Variants in TC2N observed in about 807,000 individuals in gnomAD.
TC2N encodes tandem C2 domains, nuclear.
A neutral mutation model predicts 61.9 loss-of-function variants in TC2N; 51 were observed. That is an observed-to-expected ratio of 0.82 (90% CI 0.66 to 1.04). The LOEUF is 1.04. Among genes scored for constraint, TC2N ranks in the 50% least tolerant of loss-of-function variants. The pLI is 0.00. For synonymous variants in TC2N, 204 were observed against 192.6 expected, an observed-to-expected ratio of 1.06 and a Z score of -0.49; for missense variants, 556 against 566.7, an observed-to-expected ratio of 0.98 and a Z score of 0.19.
At chr14:91,817,148 A>G (rs2013988661) in intron 1 of TC2N, among the ~76,000 whole-genome samples, 1 of 151,980 alleles carries the variant, frequency 6.6e-6, no homozygotes, top group Non-Finnish European at 1.5e-5. Context: ...AGAACATAGT[A>G]TATCTTTATA....
At position 91,783,154 on chromosome 14, in the gene TC2N, T is replaced by C; in HGVS notation, c.1419A>G (p.Thr473=). 1 of 1,612,226 alleles carries C rather than the reference T, an allele frequency of 6.2e-7. No individual in the cohort carries two copies. Among genetic ancestry groups the C allele is most frequent in the Non-Finnish European group, 8.5e-7 (1 of 1,178,788 alleles). The change falls in exon 12 of 12, where the codon ACA becomes ACG. Residue 473 remains threonine (T), a synonymous_variant. Coordinates refer to ENST00000435962, the MANE Select transcript of TC2N (RefSeq NM_001128596.3). ...NIEAVNQWKE[T]VINPEKVVIR... The stretch of plus-strand genomic sequence containing the variant: ...TAACAACCTTTTCTGGATTTATTAC[T>C]GTCTCTTTCCACTGGTTCACTGCTT...
At chr14:91,846,541 C>T (rs534470527) in intron 1 of TC2N, among the ~76,000 whole-genome samples, 2 of 152,290 alleles carry the variant, frequency 1.3e-5, no homozygotes. Context: ...TTCCAACTCT[C>T]TTACCAAAAG....
chr14:91,782,983 T>G lies in TC2N; in HGVS notation c.*117A>C. 1 of 656,072 alleles carries G rather than the reference T, an allele frequency of 1.5e-6. No individual in the cohort carries two copies. Among genetic ancestry groups the G allele is most frequent in the Non-Finnish European group, 2.7e-6 (1 of 368,938 alleles). 40.6% of individuals were successfully genotyped at this position (656,072 alleles called of 1,614,324 possible). ...TATCAGATACATTATATACCATAAT[T>G]ATAGCCCCCATAAATTGACAAATTT... is the stretch of plus-strand genomic sequence containing the variant. On this transcript the variant is annotated 3_prime_UTR_variant, in exon 12 of 12. Transcript: ENST00000435962.
chr14:91,796,678 T>C (rs1242416497), intron 8 of TC2N, among the ~76,000 whole-genome samples: 1 of 152,094 alleles, frequency 6.6e-6, no homozygotes, highest in Non-Finnish European at 1.5e-5. Flanking sequence ...AGCCAGGGAA[T>C]GTCAAGGATT....
At chr14:91,867,149 C>G (rs1888719355) in intron 1 of TC2N, 113 bp downstream of exon 1, 1 of 151,812 alleles carries the variant, frequency 6.6e-6, no homozygotes, top group Non-Finnish European at 1.5e-5. Context: ...AAACACAAAC[C>G]TTAAAGACTC....
chr14:91,807,288 GAGA>G (rs1886554828), intron 3 of TC2N, among the ~76,000 whole-genome samples: 1 of 152,186 alleles, frequency 6.6e-6, no homozygotes, highest in Non-Finnish European at 1.5e-5. Flanking sequence ...GTAGAGCTGT[GAGA>G]AGAAGGCCAC....
chr14:91,804,927 T>C (rs1020753559), intron 3 of TC2N, among the ~76,000 whole-genome samples: 1 of 152,174 alleles, frequency 6.6e-6, no homozygotes, highest in African/African-American at 2.4e-5. Flanking sequence ...ATGTTTCTGT[T>C]TTGTGCATTT....
Position 91,787,524 on chromosome 14 carries a change from G to C in TC2N, c.1151C>G (p.Pro384Arg). The change falls in exon 10 of 12, where the codon CCT becomes CGT. Residue 384 changes from proline to arginine, a missense_variant. Pro to Arg is a moderately radical substitution (Grantham distance 103). Coordinates refer to ENST00000435962, the MANE Select transcript of TC2N (RefSeq NM_001128596.3). ...ACTGATATACTTACTCAAAGTCAGA[G>C]GTGTTGATGAGCTTGGAAGGTACCG... ...EARYLPSSST[P>R]LTLSFFVKVG... The C allele has an allele frequency of 6.2e-7, 1 of 1,605,158 alleles. No individual in the cohort carries two copies. The highest frequency in any genetic ancestry group is 8.5e-7 in the Non-Finnish European group (1 of 1,174,716).
intron 9 of TC2N, among the ~76,000 whole-genome samples, chr14:91,792,102 G>C (rs1885685756): frequency 6.6e-6 from 1 of 151,360 alleles, no homozygotes; most frequent in Admixed American, 6.6e-5. Context: ...CTGGGCGACA[G>C]AGCGAGACTC....
At position 91,782,809 on chromosome 14, in the gene TC2N, A is replaced by C; in HGVS notation, c.*291T>G. 3.4e-6 allele frequency: 1 copy of C among 290,282 alleles called. No homozygotes were observed. The highest frequency in any genetic ancestry group is 6.4e-6 in the Non-Finnish European group (1 of 156,758). 18.0% of individuals were successfully genotyped at this position (290,282 alleles called of 1,614,324 possible). ...AAACATAATATAGAAAGAACTATCT[A>C]TGGTTGATATTCTCACAGACTTTAT... On this transcript the variant is annotated 3_prime_UTR_variant, in exon 12 of 12. Transcript: ENST00000435962.
chr14:91,801,047 T>G (rs1886219631), intron 4 of TC2N, among the ~76,000 whole-genome samples: 1 of 150,360 alleles, frequency 6.7e-6, no homozygotes, highest in African/African-American at 2.5e-5. Flanking sequence ...TATACATATA[T>G]ACATATATAC....
intron 1 of TC2N, among the ~76,000 whole-genome samples, chr14:91,853,513 T>C (rs1051438102): frequency 2.0e-5 from 3 of 152,126 alleles, no homozygotes; most frequent in African/African-American, 4.8e-5. Context: ...ACAAACTAGA[T>C]AGTTGATGTC....
At chr14:91,857,085 G>T (rs900016040) in intron 1 of TC2N, among the ~76,000 whole-genome samples, 1 of 152,210 alleles carries the variant, frequency 6.6e-6, no homozygotes, top group Non-Finnish European at 1.5e-5. Context: ...GTTCCCTGGA[G>T]CTAGTCAATG....
At chr14:91,818,995 A>G (rs117375370) in intron 1 of TC2N, among the ~76,000 whole-genome samples, 91 of 152,240 alleles carry the variant, frequency 6.0e-4, no homozygotes, top group African/African-American at 2.0e-3. Flanking sequence ...TCCAAACTTG[A>G]TAACTACAAA....
chr14:91,787,674 G>GA, intron 9 of TC2N, 47 bp from the exon 10 acceptor site: 1 of 1,123,018 alleles, frequency 8.9e-7, no homozygotes, highest in Admixed American at 2.2e-5. Flanking sequence ...TAAAGTTTTT[G>GA]AAACAATTCA....
At chr14:91,859,964 C>T (rs567719739) in intron 1 of TC2N, among the ~76,000 whole-genome samples, 7 of 152,160 alleles carry the variant, frequency 4.6e-5, no homozygotes, top group South Asian at 2.1e-4. Flanking sequence ...AACCAGATCA[C>T]GGAAGGTTTT....
At chr14:91,798,528 T>G (rs1886036893) in intron 6 of TC2N, 129 bp from the exon 7 acceptor site, 1 of 612,922 alleles carries the variant, frequency 1.6e-6, no homozygotes, top group Non-Finnish European at 2.9e-6. Context: ...GTTCACAATC[T>G]AAGAAGACAA....
chr14:91,812,878 A>C (rs1886844920), intron 2 of TC2N, among the ~76,000 whole-genome samples: 4 of 151,856 alleles, frequency 2.6e-5, no homozygotes, highest in Admixed American at 1.3e-4. Context: ...TAGTCATTTA[A>C]AACTACTGTC....
At chr14:91,846,617 C>CT (rs1340316592) in intron 1 of TC2N, among the ~76,000 whole-genome samples, 1 of 152,204 alleles carries the variant, frequency 6.6e-6, no homozygotes, top group African/African-American at 2.4e-5. Context: ...AGCATCCTCG[C>CT]TTTGATTCCA....
Sources: gnomAD v4.1 joint callset for allele counts (sites outside exome capture counted in the v4.1 genomes callset) on GRCh38, gnomAD v4.1.1 for gene constraint, MANE v1.5 for transcripts, NCBI Gene and HGNC (gene_info 2026-07-23, HGNC 2026-07-21) for gene names.